Variants in VSIG1 observed in about 807,000 individuals in gnomAD.
The protein encoded by VSIG1 is V-set and immunoglobulin domain-containing protein 1.
Under a neutral mutation model 20.1 loss-of-function variants are expected in VSIG1, and 11 were observed. The ratio of observed to expected loss-of-function variants is 0.55; its 90% CI spans 0.34 to 0.91. The LOEUF is 0.91. Among genes scored for constraint, VSIG1 ranks in the 40% least tolerant of loss-of-function variants. The probability of loss-of-function intolerance (pLI) is 0.02; values close to 1 mark genes in which losing one functional copy is unlikely to be tolerated. For missense variants in VSIG1, 283 were observed against 298.8 expected (o/e 0.95, Z 0.39); for synonymous variants, 126 against 116.7 (o/e 1.08, Z -0.52).
At chrX:108,043,046 G>C (rs1359022219), upstream of VSIG1, among the ~76,000 whole-genome samples, 1 of 111,335 alleles carries the variant, frequency 9.0e-6, no homozygotes, top group East Asian at 2.8e-4. Flanking sequence ...CTCTCCCTTA[G>C]GGCAAACTAG....
chrX:108,033,648 G>T, the VSIG1 span, among the ~76,000 whole-genome samples: 1 of 111,423 alleles, frequency 9.0e-6, no homozygotes, highest in Non-Finnish European at 1.9e-5. Flanking sequence ...TGTCTGCCCT[G>T]CCCAGACGGG....
chrX:108,077,327 T>C lies in VSIG1; in HGVS notation c.1110T>C (p.Pro370=). ...PEPEPEPESE[P]GVVVEPLSED... ...CAGAGCCAGAGCCAGAGTCAGAGCC[T>C]GGGGTTGTAGTTGAGCCCTTAAGTG... Residue 370 remains proline, a synonymous_variant, in exon 7 of 7, where the codon CCT becomes CCC. Coordinates refer to ENST00000217957, the MANE Select transcript of VSIG1 (RefSeq NM_182607.5). 3.3e-6 allele frequency: 4 copies of C among 1,212,009 alleles called. No homozygotes were observed. The highest frequency in any genetic ancestry group is 4.5e-6 in the Non-Finnish European group (4 of 895,609).
chrX:108,061,386 A>G (rs2031018321), intron 2 of VSIG1: 1 of 1,030,244 alleles, frequency 9.7e-7, no homozygotes. Flanking sequence ...TATACTGTAT[A>G]GCATTCAGCT....
the VSIG1 span, among the ~76,000 whole-genome samples, chrX:108,022,532 T>G: frequency 9.0e-6 from 1 of 111,722 alleles, no homozygotes; most frequent in Non-Finnish European, 1.9e-5. Context: ...TGGATGTCAT[T>G]TCTTTCTTTT....
chrX:108,074,832 G>T (rs1190401649), intron 5 of VSIG1, among the ~76,000 whole-genome samples: 1 of 111,712 alleles, frequency 9.0e-6, no homozygotes, highest in East Asian at 2.8e-4. Flanking sequence ...CATGATGGGG[G>T]AAGAGAATGG....
At chrX:108,030,964 T>G in the VSIG1 span, among the ~76,000 whole-genome samples, 1 of 112,526 alleles carries the variant, frequency 8.9e-6, no homozygotes, top group Non-Finnish European at 1.9e-5. Context: ...AACTGTAGTC[T>G]GTTTTAATTC....
the VSIG1 span, among the ~76,000 whole-genome samples, chrX:108,027,086 T>C: frequency 9.0e-6 from 1 of 111,443 alleles, no homozygotes; most frequent in Non-Finnish European, 1.9e-5. Flanking sequence ...GAATGTAAAA[T>C]GGTGCAGTCA....
intron 6 of VSIG1, 133 bp downstream of exon 6, chrX:108,076,351 T>TA: frequency 2.5e-6 from 2 of 795,460 alleles, no homozygotes; most frequent in East Asian, 6.7e-5. Flanking sequence ...TCATTGAATT[T>TA]AAAAAAGAAT....
In VSIG1 at chrX:108,078,770, ATGT is replaced by A. The variant is rs991735270; in HGVS notation, c.*1391_*1393del. ...AGTTATTATGTTATCACTGTGTCTG[ATGT>A]TATCTACTTTGAAAGGCAGTCCAGA... On this transcript the variant is annotated 3_prime_UTR_variant, in exon 7 of 7. Transcript: ENST00000217957. 1.8e-5 allele frequency: 2 copies of A among 112,348 alleles called. No individual in the cohort carries two copies. Among genetic ancestry groups the A allele is most frequent in the Non-Finnish European group, 3.8e-5 (2 of 53,311 alleles). The allele number at this position is 112,348 out of a possible 1,213,427, so 9.3% of individuals were successfully genotyped here.
intron 1 of VSIG1, among the ~76,000 whole-genome samples, chrX:108,047,899 T>TACAC (rs2030653108): frequency 2.3e-4 from 10 of 44,078 alleles, no homozygotes; most frequent in Non-Finnish European, 3.0e-4. Flanking sequence ...CACATATATA[T>TACAC]ATATACACAT....
chrX:108,019,278 G>A, the VSIG1 span, among the ~76,000 whole-genome samples: 2 of 112,341 alleles, frequency 1.8e-5, no homozygotes, highest in African/African-American at 6.5e-5. Context: ...GATTACTCAG[G>A]TGCCACTATG....
chrX:108,048,478 G>A (rs1213096331), intron 1 of VSIG1, among the ~76,000 whole-genome samples: 1 of 112,387 alleles, frequency 8.9e-6, no homozygotes, highest in East Asian at 2.8e-4. Context: ...ATGCATTTTT[G>A]TTTTGTTTTT....
At chrX:108,054,864 G>A (rs752310053) in intron 1 of VSIG1, among the ~76,000 whole-genome samples, 71 of 108,266 alleles carry the variant, frequency 6.6e-4, no homozygotes, top group African/African-American at 2.1e-3. Flanking sequence ...TGGAAATAAA[G>A]GAAGGTCTTA....
chrX:108,051,116 A>AG (rs749437254), intron 1 of VSIG1, among the ~76,000 whole-genome samples: 4 of 111,153 alleles, frequency 3.6e-5, no homozygotes, highest in Non-Finnish European at 7.6e-5. Flanking sequence ...AGTGGACAAA[A>AG]GAAGCATTTG....
chrX:108,050,021 C>T lies in VSIG1; in HGVS notation c.49+4842C>T, dbSNP rs188363892. Among the ~76,000 whole-genome samples, 4 of 112,276 alleles carry T rather than the reference C, an allele frequency of 3.6e-5. No individual in the cohort carries two copies. In the East Asian group the frequency reaches 8.4e-4, roughly 23 times the overall value. ...AAAGTGCTGCATTTTTGTTTGCATT[C>T]AGGCACTTTTCTTAATTTATCAGTG... On this transcript the variant is annotated intron_variant, in intron 1 of 6. Coordinates refer to ENST00000217957, the MANE Select transcript of VSIG1 (RefSeq NM_182607.5).
chrX:108,045,128 A>G lies in VSIG1; in HGVS notation c.-3A>G. 4 of 1,189,010 alleles carry G rather than the reference A, an allele frequency of 3.4e-6. No homozygotes were observed. Among genetic ancestry groups the G allele is most frequent in the Non-Finnish European group, 4.5e-6 (4 of 882,770 alleles). Reference sequence around the variant, plus strand: ...CCTGCTGCTCTCAACTAACCTCCACACAATGGTGTTCGCATTTTGGAAGGT... The same window carrying G: ...CCTGCTGCTCTCAACTAACCTCCACGCAATGGTGTTCGCATTTTGGAAGGT... On this transcript the variant is annotated 5_prime_UTR_variant, in exon 1 of 7. Transcript: ENST00000217957.
intron 6 of VSIG1, among the ~76,000 whole-genome samples, chrX:108,076,436 G>A (rs1428442843): frequency 8.9e-6 from 1 of 112,123 alleles, no homozygotes; most frequent in East Asian, 2.8e-4. Flanking sequence ...AACTCATTTA[G>A]CTATCACAAC....
At chrX:108,025,700 T>C in the VSIG1 span, among the ~76,000 whole-genome samples, 19 of 112,955 alleles carry the variant, frequency 1.7e-4, no homozygotes, top group Non-Finnish European at 3.6e-4. Flanking sequence ...ATAAACATTA[T>C]TTAAAATACC....
chrX:108,023,937 C>T, the VSIG1 span, among the ~76,000 whole-genome samples: 1 of 111,475 alleles, frequency 9.0e-6, no homozygotes, highest in Non-Finnish European at 1.9e-5. Context: ...TGGTACCTGA[C>T]CCTGGGTTGA....
Sources: gnomAD v4.1 joint callset for allele counts (sites outside exome capture counted in the v4.1 genomes callset) on GRCh38, gnomAD v4.1.1 for gene constraint, MANE v1.5 for transcripts, NCBI Gene and HGNC (gene_info 2026-07-23, HGNC 2026-07-21) for gene names.